Variants in NTM observed in about 807,000 individuals in gnomAD.
The protein encoded by NTM is neurotrimin, also known as IgLON family member 2.
Under a neutral mutation model 42.1 loss-of-function variants are expected in NTM, and 13 were observed. The ratio of observed to expected loss-of-function variants is 0.31; its 90% CI spans 0.20 to 0.49. The LOEUF (loss-of-function observed/expected upper bound fraction) is 0.49. Among genes scored for constraint, NTM ranks in the 20% least tolerant of loss-of-function variants. NTM has a pLI of 0.99. For synonymous variants in NTM, 187 were observed against 179.2 expected (o/e 1.04, Z -0.35); for missense variants, 373 against 452.8 (o/e 0.82, Z 1.60).
At chr11:131,779,455 C>CA (rs1481829048) in intron 1 of NTM, among the ~76,000 whole-genome samples, 8 of 152,100 alleles carry the variant, frequency 5.3e-5, no homozygotes, top group African/African-American at 1.9e-4. Flanking sequence ...TTCCTTCTTG[C>CA]AAAAAATATT....
chr11:131,709,584 A>G (rs1170627158), intron 1 of NTM, among the ~76,000 whole-genome samples: 1 of 152,180 alleles, frequency 6.6e-6, no homozygotes, highest in Non-Finnish European at 1.5e-5. Context: ...GATAACAGAG[A>G]TGAGGATAAC....
In NTM at chr11:131,598,869, C is replaced by T. The variant is rs1311030431; in HGVS notation, c.82+227981C>T. On this transcript the variant is annotated intron_variant, in intron 1 of 8. Coordinates refer to ENST00000683400, the MANE Select transcript of NTM (RefSeq NM_001352005.2). ...TCTTTCTTCCTTCCTTCCTTCCTTC[C>T]TTCCTTCTTCCTTCCTTCCTTCCTT... Among the ~76,000 whole-genome samples the T allele has an allele frequency of 6.7e-3, 198 of 29,490 alleles. 24 individuals carry two copies. The highest frequency in any genetic ancestry group is 0.017 in the African/African-American group (191 of 11,374). 19.3% of individuals were successfully genotyped at this position (29,490 alleles called of 152,430 possible).
chr11:131,976,912 T>C (rs1227646071), intron 2 of NTM, among the ~76,000 whole-genome samples: 1 of 152,124 alleles, frequency 6.6e-6, no homozygotes, highest in African/African-American at 2.4e-5. Flanking sequence ...AAGAGCAGCA[T>C]GAGGAATACA....
chr11:131,933,279 C>T (rs1403782734), intron 2 of NTM, among the ~76,000 whole-genome samples: 1 of 152,154 alleles, frequency 6.6e-6, no homozygotes, highest in African/African-American at 2.4e-5. Flanking sequence ...CTAGAGACCT[C>T]ACTCCCCTAC....
intron 2 of NTM, among the ~76,000 whole-genome samples, chr11:132,017,004 T>C (rs532080611): frequency 6.6e-6 from 1 of 152,146 alleles, no homozygotes; most frequent in East Asian, 1.9e-4. Flanking sequence ...TATCTTCTTA[T>C]GTTGTAAGAA....
chr11:131,437,577 G>T (rs1949253774), intron 1 of NTM, among the ~76,000 whole-genome samples: 1 of 152,168 alleles, frequency 6.6e-6, no homozygotes, highest in South Asian at 2.1e-4. Flanking sequence ...TTGGTTTGAA[G>T]TCTGTTTTAT....
intron 1 of NTM, among the ~76,000 whole-genome samples, chr11:131,787,576 G>T (rs994493838): frequency 6.6e-6 from 1 of 151,960 alleles, no homozygotes; most frequent in East Asian, 1.9e-4. Flanking sequence ...AGTACAGACG[G>T]GGTTTCACCA....
intron 2 of NTM, among the ~76,000 whole-genome samples, chr11:132,047,243 T>C (rs2078151649): frequency 6.6e-6 from 1 of 152,260 alleles, no homozygotes; most frequent in South Asian, 2.1e-4. Context: ...AAGGGAAGTT[T>C]ATCCTTTTAA....
rs1427174849 is a variant in NTM at position 132,213,821 on chromosome 11, G to A, written c.526+1674G>A. ...GGGATCTCGGCTCACTGCAAGCTCC[G>A]CCTCCCGGGTTCACGCCATTCTCCC... is the stretch of plus-strand genomic sequence containing the variant. On this transcript the variant is annotated intron_variant, in intron 4 of 8. Coordinates refer to ENST00000683400, the MANE Select transcript of NTM (RefSeq NM_001352005.2). Among the ~76,000 whole-genome samples, 4 of 56,946 alleles carry A rather than the reference G, an allele frequency of 7.0e-5. 2 individuals carry two copies. Among genetic ancestry groups the A allele is most frequent in the Non-Finnish European group, 1.7e-4 (4 of 22,930 alleles). The allele number at this position is 56,946 out of a possible 152,430, so 37.4% of individuals were successfully genotyped here. A position where few individuals can be genotyped will look rare whatever the true frequency, so the allele number is the denominator to read the frequency against.
chr11:131,682,982 C>T (rs2073230060), intron 1 of NTM, among the ~76,000 whole-genome samples: 1 of 152,066 alleles, frequency 6.6e-6, no homozygotes, highest in African/African-American at 2.4e-5. Flanking sequence ...ACACCAGCTC[C>T]CCACCGTTCT....
chr11:131,635,290 T>A (rs945151434), intron 1 of NTM, among the ~76,000 whole-genome samples: 2 of 152,102 alleles, frequency 1.3e-5, no homozygotes, highest in African/African-American at 4.8e-5. Context: ...GGAGATGACA[T>A]CTCCTGCGTG....
rs185214056 is a variant in NTM at position 132,069,106 on chromosome 11, G to A, written c.168-77176G>A. 1.7e-4 allele frequency among the ~76,000 whole-genome samples: 23 copies of A among 134,092 alleles called. No individual in the cohort carries two copies. In the East Asian group the frequency reaches 4.7e-3, roughly 27 times the overall value. 88.0% of individuals were successfully genotyped at this position (134,092 alleles called of 152,430 possible). On this transcript the variant is annotated intron_variant, in intron 2 of 8. Transcript: ENST00000683400. Reference sequence around the variant, plus strand: ...AGCCAAGTTAACACAACAAACTGACGATCACAGGTTAGTTTACACGTCACA... The same window carrying A: ...AGCCAAGTTAACACAACAAACTGACAATCACAGGTTAGTTTACACGTCACA...
At chr11:131,611,766 T>A (rs1029442128) in intron 1 of NTM, among the ~76,000 whole-genome samples, 15 of 152,150 alleles carry the variant, frequency 9.9e-5, no homozygotes, top group African/African-American at 3.6e-4. Flanking sequence ...GCTAATGTAA[T>A]GTGTGAAACA....
intron 1 of NTM, among the ~76,000 whole-genome samples, chr11:131,481,443 T>C (rs1325538737): frequency 6.6e-6 from 1 of 152,076 alleles, no homozygotes; most frequent in Non-Finnish European, 1.5e-5. Context: ...GCCTGTGAAG[T>C]GTGGAGGGTA....
chr11:131,708,716 G>A (rs533129922), intron 1 of NTM, among the ~76,000 whole-genome samples: 2 of 152,182 alleles, frequency 1.3e-5, no homozygotes, highest in Admixed American at 6.5e-5. Context: ...AATATATTGA[G>A]GGCCTTCTAT....
chr11:131,527,334 C>G (rs1053090674), intron 1 of NTM, among the ~76,000 whole-genome samples: 3 of 152,122 alleles, frequency 2.0e-5, no homozygotes, highest in African/African-American at 7.2e-5. Context: ...GACCCTTCTC[C>G]CCTTACTTCA....
intron 1 of NTM, among the ~76,000 whole-genome samples, chr11:131,546,215 C>T (rs1201974324): frequency 2.0e-5 from 3 of 152,118 alleles, no homozygotes; most frequent in South Asian, 4.1e-4. Context: ...TTTCCTATCC[C>T]TTCGCTTTAA....
intron 2 of NTM, among the ~76,000 whole-genome samples, chr11:132,102,911 A>G (rs962221821): frequency 2.0e-5 from 3 of 152,182 alleles, no homozygotes; most frequent in African/African-American, 4.8e-5. Flanking sequence ...GCACACATCA[A>G]ATGCCTCTTG....
chr11:131,379,144 T>C (rs2135508816), intron 1 of NTM, among the ~76,000 whole-genome samples: 1 of 152,326 alleles, frequency 6.6e-6, no homozygotes, highest in Non-Finnish European at 1.5e-5. Context: ...CAACCCCTGA[T>C]TCACAACCAG....
Sources: gnomAD v4.1 joint callset for allele counts (sites outside exome capture counted in the v4.1 genomes callset) on GRCh38, gnomAD v4.1.1 for gene constraint, MANE v1.5 for transcripts, NCBI Gene and HGNC (gene_info 2026-07-23, HGNC 2026-07-21) for gene names.